Variants in PDLIM7 observed in about 807,000 individuals in gnomAD.
The protein encoded by PDLIM7 is PDZ and LIM domain protein 7.
In PDLIM7, 37 loss-of-function variants were observed where a neutral mutation model predicts 53.9. The observed-to-expected ratio is 0.69, with a 90% CI of 0.53 to 0.90. The LOEUF (loss-of-function observed/expected upper bound fraction) is 0.90, where lower values mean the gene tolerates loss of function less well. Among genes scored for constraint, PDLIM7 ranks in the 40% least tolerant of loss-of-function variants. The pLI is 0.00. For synonymous variants in PDLIM7, 300 were observed against 261.3 expected (o/e 1.15, Z -1.43); for missense variants, 617 against 638.5 (o/e 0.97, Z 0.36).
intron 9 of PDLIM7, among the ~76,000 whole-genome samples, chr5:177,488,692 A>T (rs1240930618): frequency 1.3e-5 from 2 of 152,110 alleles, no homozygotes; most frequent in Non-Finnish European, 2.9e-5. Flanking sequence ...GGAGTTTGAG[A>T]CCAGCCTGGC....
At chr5:177,492,037 C>T in intron 4 of PDLIM7, 112 bp from the exon 5 acceptor site, 1 of 441,320 alleles carries the variant, frequency 2.3e-6, no homozygotes, top group Non-Finnish European at 3.8e-6. Flanking sequence ...CCCACCCCCA[C>T]CCCACCCCCT....
At chr5:177,492,323 G>A (rs1176746609) in intron 4 of PDLIM7, 82 bp downstream of exon 4, 23 of 1,541,584 alleles carry the variant, frequency 1.5e-5, no homozygotes, top group Non-Finnish European at 1.9e-5. Context: ...TTGGGGTACC[G>A]AGAATGTGCC....
chr5:177,492,795 C>T, intron 2 of PDLIM7, 118 bp from the exon 3 acceptor site: 1 of 1,136,544 alleles, frequency 8.8e-7, no homozygotes, highest in East Asian at 2.4e-5. Flanking sequence ...GAGAGCTCTT[C>T]ATTCAACATA....
At chr5:177,488,279 C>A in intron 9 of PDLIM7, 31 bp from the exon 10 acceptor site, 1 of 1,557,388 alleles carries the variant, frequency 6.4e-7, no homozygotes. Flanking sequence ...TCAGAGGGAG[C>A]ACACGCAGAG....
intron 8 of PDLIM7, 70 bp from the exon 9 acceptor site, chr5:177,489,697 T>G: frequency 6.7e-7 from 1 of 1,486,414 alleles, no homozygotes; most frequent in Non-Finnish European, 8.9e-7. Flanking sequence ...CCCAGGCAGC[T>G]GAGAGAAGCC....
chr5:177,483,879 G>A lies in PDLIM7; in HGVS notation c.1275C>T (p.Cys425=), dbSNP rs142634297. The part of the protein sequence containing the change: ...EALGFSWHDT[C]FVCAICQINL... ...GCGGGGCTCTCACCGCACAGACGAA[G>A]CAGGTGTCATGCCAGCTGAAGCCCA... Residue 425 remains cysteine (C), a synonymous_variant, in exon 12 of 13, where the codon TGC becomes TGT. Coordinates refer to ENST00000355841, the MANE Select transcript of PDLIM7 (RefSeq NM_005451.5). The A allele has an allele frequency of 8.7e-6, 14 of 1,613,420 alleles. No individual in the cohort carries two copies. The African/African-American group carries it at 1.3e-4, about 15-fold the overall frequency.
Position 177,483,965 on chromosome 5 carries a change from C to T in PDLIM7, c.1189G>A (p.Gly397Ser). 6.2e-7 allele frequency: 1 copy of T among 1,613,890 alleles called. No homozygotes were observed. Among genetic ancestry groups the T allele is most frequent in the Non-Finnish European group, 8.5e-7 (1 of 1,179,956 alleles). ...YCERDYEKMF[G>S]TKCHGCDFKI... is the part of the protein sequence containing the mutation. Reference sequence around the variant, plus strand: ...AAGTCACAGCCATGGCATTTCGTGCCAAACATCTTCTCATAGTCTGAGAAT... The same window carrying T: ...AAGTCACAGCCATGGCATTTCGTGCTAAACATCTTCTCATAGTCTGAGAAT... Residue 397 changes from glycine (G) to serine (S), a missense_variant, in exon 12 of 13, where the codon GGC becomes AGC. Coordinates refer to ENST00000355841, the MANE Select transcript of PDLIM7 (RefSeq NM_005451.5).
Position 177,483,440 on chromosome 5 carries a change from T to C in PDLIM7, c.*204A>G, listed in dbSNP as rs1179060633. On this transcript the variant is annotated 3_prime_UTR_variant, in exon 13 of 13. Coordinates refer to ENST00000355841, the MANE Select transcript of PDLIM7 (RefSeq NM_005451.5). ...TGTGGCACTGGAGGTGAAAGGGGGC[T>C]GGTGTGGCCAGCACCGGTGTGCTGT... 7.6e-6 allele frequency: 4 copies of C among 525,744 alleles called. No homozygotes were observed. The East Asian group carries it at 1.2e-4, about 16-fold the overall frequency. The allele number at this position is 525,744 out of a possible 1,614,324, so 32.6% of individuals were successfully genotyped here.
chr5:177,486,464 A>G (rs978128205), intron 10 of PDLIM7, among the ~76,000 whole-genome samples: 4 of 152,006 alleles, frequency 2.6e-5, no homozygotes, highest in South Asian at 2.1e-4. Flanking sequence ...AGATCACAGA[A>G]ATAGGTTTTC....
At chr5:177,490,959 C>A in intron 6 of PDLIM7, 51 bp downstream of exon 6, 2 of 1,614,028 alleles carry the variant, frequency 1.2e-6, no homozygotes, top group Non-Finnish European at 1.7e-6. Context: ...TCAGGGATCA[C>A]GCCTGGGCTG....
chr5:177,488,171 TC>T lies in PDLIM7; in HGVS notation c.946del (p.Glu316LysfsTer41). On this transcript the variant is annotated frameshift_variant, in exon 10 of 13. Transcript: ENST00000355841. LOFTEE classifies it high-confidence loss of function. ...CTTCTCCTCAAAGAAGCCACCCTCTTCCAGGACCTTCCCACACTGGCTACAC... is the reference window on the plus strand; with the variant it reads ...CTTCTCCTCAAAGAAGCCACCCTCTTCAGGACCTTCCCACACTGGCTACAC... ...FVCSQCGKVL[E>X]EGGFFEEKGA... is the part of the protein sequence containing the mutation. The T allele has an allele frequency of 6.2e-7, 1 of 1,613,446 alleles. No individual in the cohort carries two copies. Among genetic ancestry groups the T allele is most frequent in the Non-Finnish European group, 8.5e-7 (1 of 1,179,960 alleles).
chr5:177,486,767 T>C (rs1225381409), intron 10 of PDLIM7, among the ~76,000 whole-genome samples: 2 of 151,740 alleles, frequency 1.3e-5, no homozygotes, highest in East Asian at 1.9e-4. Context: ...GCCTCCCGAG[T>C]AGCTGGGACT....
chr5:177,491,195 G>A, intron 5 of PDLIM7, 49 bp from the exon 6 acceptor site: 1 of 1,556,480 alleles, frequency 6.4e-7, no homozygotes, highest in Non-Finnish European at 8.7e-7. Context: ...TGGGCGGTGG[G>A]GGCAGCCCCT....
At position 177,488,196 on chromosome 5, in the gene PDLIM7, A is replaced by T. The variant is rs774727722; in HGVS notation, c.922T>A (p.Cys308Ser). The T allele has an allele frequency of 6.2e-7, 1 of 1,613,208 alleles. No homozygotes were observed. Among genetic ancestry groups the T allele is most frequent in the South Asian group, 1.1e-5 (1 of 91,078 alleles). Residue 308 changes from cysteine (C) to serine (S), a missense_variant, in exon 10 of 13, where the codon TGT becomes AGT. Coordinates refer to ENST00000355841, the MANE Select transcript of PDLIM7 (RefSeq NM_005451.5). ...GHAYHPEEFV[C>S]SQCGKVLEEG... ...TCCAGGACCTTCCCACACTGGCTAC[A>T]CACAAACTCCTCCGGGTGGTACGCG... is the stretch of plus-strand genomic sequence containing the variant.
intron 2 of PDLIM7, among the ~76,000 whole-genome samples, chr5:177,493,210 G>A (rs1333356119): frequency 1.3e-5 from 2 of 152,166 alleles, no homozygotes; most frequent in Non-Finnish European, 2.9e-5. Flanking sequence ...CCATCTATAG[G>A]GGTCTGCTGG....
At chr5:177,483,811 G>A (rs1281979682) in intron 12 of PDLIM7, 56 bp downstream of exon 12, 1 of 1,590,066 alleles carries the variant, frequency 6.3e-7, no homozygotes, top group Admixed American at 1.7e-5. Context: ...CATCTCCTGG[G>A]GAATGAACAG....
intron 5 of PDLIM7, 51 bp downstream of exon 5, chr5:177,491,756 G>A: frequency 1.1e-6 from 1 of 890,058 alleles, no homozygotes; most frequent in Non-Finnish European, 1.5e-6. Flanking sequence ...GCGGGCGTGG[G>A]GCCACAGTGG....
chr5:177,485,909 C>T (rs1164645489), intron 10 of PDLIM7, among the ~76,000 whole-genome samples: 1 of 151,908 alleles, frequency 6.6e-6, no homozygotes, highest in South Asian at 2.1e-4. Context: ...TCCTCTGAGC[C>T]CAGGAGATCA....
At chr5:177,485,601 G>A (rs1374555849) in intron 10 of PDLIM7, among the ~76,000 whole-genome samples, 4 of 152,368 alleles carry the variant, frequency 2.6e-5, no homozygotes, top group Non-Finnish European at 4.4e-5. Context: ...AGTGGGGACT[G>A]TGTCACACGG....
Sources: gnomAD v4.1 joint callset for allele counts (sites outside exome capture counted in the v4.1 genomes callset) on GRCh38, gnomAD v4.1.1 for gene constraint, MANE v1.5 for transcripts, NCBI Gene and HGNC (gene_info 2026-07-23, HGNC 2026-07-21) for gene names.